Variants in ELP3 observed in about 807,000 individuals in gnomAD.
The protein encoded by ELP3 is elongator acetyltransferase complex subunit 3, also known as elongator complex protein 3.
ELP3 carries 56 observed loss-of-function variants against 74.9 expected under a neutral mutation model. The observed-to-expected ratio is 0.75, with a 90% CI of 0.60 to 0.93. The LOEUF (loss-of-function observed/expected upper bound fraction) is 0.93, where lower values mean the gene tolerates loss of function less well. Among genes scored for constraint, ELP3 ranks in the 40% least tolerant of loss-of-function variants. ELP3 has a pLI of 0.00. For synonymous variants in ELP3, 222 were observed against 239.8 expected (o/e 0.93, Z 0.68); for missense variants, 573 against 686.5 (o/e 0.83, Z 1.85).
intron 14 of ELP3, among the ~76,000 whole-genome samples, chr8:28,173,766 TG>T (rs1456489647): frequency 6.6e-6 from 1 of 152,014 alleles, no homozygotes; most frequent in African/African-American, 2.4e-5. Context: ...CTCTGAGCAC[TG>T]TTTTTGCTGC....
chr8:28,156,110 C>G, intron 11 of ELP3, 78 bp downstream of exon 11: 2 of 1,192,952 alleles, frequency 1.7e-6, no homozygotes, highest in Non-Finnish European at 2.4e-6. Context: ...TTGCCACTAC[C>G]ACCCCTAAAA....
intron 14 of ELP3, among the ~76,000 whole-genome samples, chr8:28,182,373 A>C (rs1302838375): frequency 6.6e-6 from 1 of 152,176 alleles, no homozygotes; most frequent in Non-Finnish European, 1.5e-5. Context: ...CAGCCTGGCC[A>C]ACATGTTGAA....
At chr8:28,145,445 A>G (rs1044201591) in intron 10 of ELP3, among the ~76,000 whole-genome samples, 6 of 152,166 alleles carry the variant, frequency 3.9e-5, no homozygotes, top group African/African-American at 1.4e-4. Context: ...ATTATAGTTT[A>G]TTTATTTTTG....
intron 12 of ELP3, among the ~76,000 whole-genome samples, chr8:28,159,354 T>G (rs1311187450): frequency 6.6e-6 from 1 of 152,182 alleles, no homozygotes; most frequent in East Asian, 1.9e-4. Flanking sequence ...TTTAGGACCT[T>G]TTGAGAGAAA....
At position 28,155,999 on chromosome 8, in the gene ELP3, G is replaced by T; in HGVS notation, c.1158G>T (p.Leu386=). ...SGVEHGNLRE[L]ALARMKDLGI... ...TAGAGCATGGTAACCTGAGAGAGCT[G>T]GCACTTGCAAGAATGAAAGACCTCG... The change falls in exon 11 of 15, where the codon CTG becomes CTT. Residue 386 remains leucine, a synonymous_variant. Transcript: ENST00000256398. 1 of 1,613,932 alleles carries T rather than the reference G, an allele frequency of 6.2e-7. No individual in the cohort carries two copies. Among genetic ancestry groups the T allele is most frequent in the Non-Finnish European group, 8.5e-7 (1 of 1,179,868 alleles).
chr8:28,090,892 T>G (rs1374102613), upstream of ELP3, among the ~76,000 whole-genome samples: 4 of 150,294 alleles, frequency 2.7e-5, no homozygotes, highest in South Asian at 8.4e-4. Context: ...GAGAATAGAT[T>G]GTAAATGTTT....
chr8:28,132,153 T>C, intron 8 of ELP3, 125 bp from the exon 9 acceptor site: 1 of 1,041,794 alleles, frequency 9.6e-7, no homozygotes, highest in Non-Finnish European at 1.4e-6. Flanking sequence ...ATGGAACTTC[T>C]GTTACCTGTC....
chr8:28,135,388 G>A (rs1184593507), intron 9 of ELP3, among the ~76,000 whole-genome samples: 5 of 152,114 alleles, frequency 3.3e-5, no homozygotes, highest in African/African-American at 4.8e-5. Flanking sequence ...GAACTCTTAC[G>A]TAGAGCCATT....
chr8:28,126,105 G>A (rs1227113636), intron 7 of ELP3, among the ~76,000 whole-genome samples: 1 of 152,126 alleles, frequency 6.6e-6, no homozygotes, highest in African/African-American at 2.4e-5. Context: ...TTCCTGTCCA[G>A]ATGGAGAGAC....
intron 3 of ELP3, among the ~76,000 whole-genome samples, chr8:28,103,305 T>G (rs1479797107): frequency 6.6e-6 from 1 of 152,228 alleles, no homozygotes. Context: ...CAGAGTGTCA[T>G]GTACAGTAAT....
upstream of ELP3, chr8:28,090,527 A>T (rs75570079): frequency 3.8e-4 from 66 of 174,036 alleles, 2 homozygotes; most frequent in East Asian, 1.0e-2. Context: ...ATACACATAT[A>T]CTTTCCCTTC....
At chr8:28,162,809 C>T (rs942307447) in intron 14 of ELP3, among the ~76,000 whole-genome samples, 2 of 152,090 alleles carry the variant, frequency 1.3e-5, no homozygotes, top group Non-Finnish European at 2.9e-5. Context: ...GGGTGATAAA[C>T]GGGAATGTTT....
Position 28,189,925 on chromosome 8 carries a change from G to A in ELP3, c.*200G>A, listed in dbSNP as rs773819014. ...ACACCCCAGATCCGCCCTCTCCTGCGTGCACCCCAAAAAATCACTTGCGTT... is the reference window on the plus strand; with the variant it reads ...ACACCCCAGATCCGCCCTCTCCTGCATGCACCCCAAAAAATCACTTGCGTT... On this transcript the variant is annotated 3_prime_UTR_variant, in exon 15 of 15. Transcript: ENST00000256398. 4.4e-5 allele frequency: 22 copies of A among 505,638 alleles called. No homozygotes were observed. Among genetic ancestry groups the A allele is most frequent in the South Asian group, 2.9e-4 (9 of 31,462 alleles). 31.3% of individuals were successfully genotyped at this position (505,638 alleles called of 1,614,324 possible).
chr8:28,169,273 GTTAT>G (rs1445991112), intron 14 of ELP3, among the ~76,000 whole-genome samples: 31 of 152,122 alleles, frequency 2.0e-4, no homozygotes, highest in Non-Finnish European at 4.3e-4. Flanking sequence ...GTTTGTTCTG[GTTAT>G]TTATTATAAC....
chr8:28,092,829 C>A (rs1811093396), upstream of ELP3: 2 of 197,624 alleles, frequency 1.0e-5, no homozygotes, highest in Non-Finnish European at 2.1e-5. Context: ...GGCTCCCACT[C>A]CCCCCCATGA....
Position 28,150,806 on chromosome 8 carries a change from T to C in ELP3, c.1101-5136T>C, listed in dbSNP as rs549748091. On this transcript the variant is annotated intron_variant, in intron 10 of 14. Coordinates refer to ENST00000256398, the MANE Select transcript of ELP3 (RefSeq NM_018091.6). ...AGTCACTTGTTTCAAATATTTCTTATATTATTTTGTTTCTTCTCTTTCTGG... is the reference window on the plus strand; with the variant it reads ...AGTCACTTGTTTCAAATATTTCTTACATTATTTTGTTTCTTCTCTTTCTGG... Among the ~76,000 whole-genome samples the C allele has an allele frequency of 3.3e-5, 5 of 152,306 alleles. No individual in the cohort carries two copies. The South Asian group carries it at 8.3e-4, about 25-fold the overall frequency.
intron 12 of ELP3, among the ~76,000 whole-genome samples, chr8:28,159,851 C>T (rs1468673945): frequency 6.6e-6 from 1 of 152,170 alleles, no homozygotes; most frequent in African/African-American, 2.4e-5. Context: ...GAACACCTGA[C>T]AGTTTTGAGA....
intron 10 of ELP3, among the ~76,000 whole-genome samples, chr8:28,141,246 T>C (rs1813226654): frequency 6.6e-6 from 1 of 152,208 alleles, no homozygotes; most frequent in South Asian, 2.1e-4. Context: ...AATTCTAGGC[T>C]GCCTGATAGA....
At position 28,139,671 on chromosome 8, in the gene ELP3, G is replaced by A. The variant is rs775526145; in HGVS notation, c.1100+1780G>A. Among the ~76,000 whole-genome samples the A allele has an allele frequency of 8.5e-5, 13 of 152,168 alleles. 1 individual carries two copies. Among genetic ancestry groups the A allele is most frequent in the Non-Finnish European group, 1.3e-4 (9 of 68,026 alleles). ...TCAATAAATAATCTAGAGGCCAGGCGTGGTGGCTCACGCCTGCAATCCCAG... is the reference window on the plus strand; with the variant it reads ...TCAATAAATAATCTAGAGGCCAGGCATGGTGGCTCACGCCTGCAATCCCAG... On this transcript the variant is annotated intron_variant, in intron 10 of 14. Transcript: ENST00000256398.
Sources: gnomAD v4.1 joint callset for allele counts (sites outside exome capture counted in the v4.1 genomes callset) on GRCh38, gnomAD v4.1.1 for gene constraint, MANE v1.5 for transcripts, NCBI Gene and HGNC (gene_info 2026-07-23, HGNC 2026-07-21) for gene names.